Variants in EVC observed in about 807,000 individuals in gnomAD.
The protein encoded by EVC is evC complex member EVC.
Under a neutral mutation model 118.9 loss-of-function variants are expected in EVC, and 116 were observed. The observed-to-expected ratio is 0.98, with a 90% CI of 0.84 to 1.14. The LOEUF (loss-of-function observed/expected upper bound fraction) is 1.14. EVC is among the 50% of genes most tolerant of loss of function. The pLI is 0.00. For missense variants in EVC, 1,401 were observed against 1,246.4 expected (o/e 1.12, Z -1.87); for synonymous variants, 619 against 534.7 (o/e 1.16, Z -2.18).
chr4:5,776,808 TTTTTCAATTCTAGACAATA>T (rs746232664), intron 11 of EVC, among the ~76,000 whole-genome samples: 2 of 152,192 alleles, frequency 1.3e-5, no homozygotes, highest in Admixed American at 6.5e-5. Flanking sequence ...GAGTTTAATA[TTTTTCAATTCTAGACAATA>T]TTTTCAATTC....
At position 5,772,342 on chromosome 4, in the gene EVC, C is replaced by A. The variant is rs528421715; in HGVS notation, c.1564-11210C>A. On this transcript the variant is annotated intron_variant, in intron 11 of 20. Coordinates refer to ENST00000264956, the MANE Select transcript of EVC (RefSeq NM_153717.3). ...CATCTTACCTCCCTGCAAAGAGGTACGGGGGAGAGAAGAGTCGTTCAAGAA... is the reference window on the plus strand; with the variant it reads ...CATCTTACCTCCCTGCAAAGAGGTAAGGGGGAGAGAAGAGTCGTTCAAGAA... 5.4e-5 allele frequency among the ~76,000 whole-genome samples: 8 copies of A among 147,992 alleles called. No individual in the cohort carries two copies. The South Asian group carries it at 1.7e-3, about 32-fold the overall frequency.
the EVC span, chr4:5,821,689 A>T: frequency 6.9e-7 from 1 of 1,450,736 alleles, no homozygotes; most frequent in Non-Finnish European, 9.4e-7. This position sits in a 1 kb window ranked among gnomAD's most constrained non-coding sequence, Gnocchi z 4.4. Flanking sequence ...TGGGTTTCAA[A>T]AACACTGACA....
intron 11 of EVC, among the ~76,000 whole-genome samples, chr4:5,773,927 A>C (rs1409448059): frequency 6.6e-6 from 1 of 152,082 alleles, no homozygotes; most frequent in African/African-American, 2.4e-5. Flanking sequence ...TCCTGTGATG[A>C]GGAACAAAAG....
At position 5,810,919 on chromosome 4, in the gene EVC, G is replaced by A. The variant is rs78968801; in HGVS notation, c.2895-34G>A. On this transcript the variant is annotated intron_variant, in intron 20 of 20. Coordinates refer to ENST00000264956, the MANE Select transcript of EVC (RefSeq NM_153717.3). ...GCATCATGATGGGCATGGAGTCAGC[G>A]TTCTAACTGGCTGCCTTTCTTCTCT... 4.0e-3 allele frequency: 6,302 copies of A among 1,588,044 alleles called. 108 individuals are homozygous for A. In the African/African-American group the frequency reaches 0.042, roughly 11 times the overall value.
At chr4:5,732,175 C>G (rs568250068) in intron 4 of EVC, among the ~76,000 whole-genome samples, 10 of 152,064 alleles carry the variant, frequency 6.6e-5, no homozygotes, top group African/African-American at 2.4e-4. Flanking sequence ...GCTGGTCACA[C>G]AGCCGTGAGT....
At chr4:5,816,747 C>T (rs552829135), downstream of EVC, among the ~76,000 whole-genome samples, 38 of 147,062 alleles carry the variant, frequency 2.6e-4, no homozygotes, top group Non-Finnish European at 3.9e-4. Context: ...TCAGCTGCAT[C>T]GCAAATCTGT....
intron 18 of EVC, 90 bp from the exon 19 acceptor site, chr4:5,809,428 C>T (rs1716528615): frequency 2.6e-6 from 3 of 1,161,410 alleles, no homozygotes; most frequent in African/African-American, 1.5e-5. Context: ...CAGTGGCCAG[C>T]CTCAAGTGTC....
rs537978885 is a variant in EVC at position 5,728,373 on chromosome 4, TTGTC to T, written c.301-930_301-927del. ...GTTCACTCATGATTTGGCTCTCTGT[TTGTC>T]TGTTGTTGGTGTATAAGAATGCTTG... On this transcript the variant is annotated intron_variant, in intron 2 of 20. Transcript: ENST00000264956. Among the ~76,000 whole-genome samples the T allele has an allele frequency of 5.1e-4, 78 of 151,864 alleles. No individual in the cohort carries two copies. In the Middle Eastern group the frequency reaches 0.01, roughly 20 times the overall value.
intron 8 of EVC, among the ~76,000 whole-genome samples, chr4:5,750,148 C>T (rs981320858): frequency 1.2e-4 from 19 of 152,162 alleles, no homozygotes; most frequent in African/African-American, 4.3e-4. Context: ...ACCTAAGATC[C>T]CCGTCCTCTC....
intron 15 of EVC, among the ~76,000 whole-genome samples, chr4:5,800,660 C>T (rs1714806246): frequency 6.6e-6 from 1 of 152,106 alleles, no homozygotes; most frequent in South Asian, 2.1e-4. Context: ...AGGATGGGAG[C>T]TCCCGACAGG....
chr4:5,810,363 A>T lies in EVC; in HGVS notation c.2807A>T (p.Lys936Met). 1 of 1,613,860 alleles carries T rather than the reference A, an allele frequency of 6.2e-7. No individual in the cohort carries two copies. The highest frequency in any genetic ancestry group is 8.5e-7 in the Non-Finnish European group (1 of 1,179,944). The change falls in exon 20 of 21, where the codon AAG (lysine) becomes ATG (methionine). Residue 936 changes from lysine to methionine, a missense_variant. By Grantham distance (95) the Lys-to-Met change is moderately conservative (BLOSUM62 -1). Transcript: ENST00000264956. ...GAGAAGCCCCTAAGGACTAAAAGGA[A>T]GAAGCCCCTGCCCCAGGAAAGAGGG... The part of the protein sequence containing the change: ...LLEKPLRTKR[K>M]KPLPQERGDL...
At chr4:5,766,688 G>T (rs1196300710) in intron 11 of EVC, among the ~76,000 whole-genome samples, 5 of 136,500 alleles carry the variant, frequency 3.7e-5, no homozygotes, top group Non-Finnish European at 7.8e-5. Context: ...TCTTCCAGTT[G>T]ATCGCATCGG....
chr4:5,785,439 G>A, intron 12 of EVC, among the ~76,000 whole-genome samples: 1 of 152,242 alleles, frequency 6.6e-6, no homozygotes, highest in East Asian at 1.9e-4. Context: ...CCATCTGAAA[G>A]AGGTTTCCTA....
chr4:5,730,668 C>T (rs1019724911), intron 3 of EVC, among the ~76,000 whole-genome samples: 1 of 151,858 alleles, frequency 6.6e-6, no homozygotes, highest in Non-Finnish European at 1.5e-5. Context: ...CCCCAGGGAC[C>T]TGTGGAGCCA....
At chr4:5,712,347 A>G (rs556899791) in intron 1 of EVC, among the ~76,000 whole-genome samples, 18 of 152,332 alleles carry the variant, frequency 1.2e-4, no homozygotes, top group African/African-American at 4.1e-4. Context: ...AGAAGTGTCT[A>G]ACCCCAAAGC....
At chr4:5,775,318 T>C (rs902416116) in intron 11 of EVC, among the ~76,000 whole-genome samples, 5 of 152,284 alleles carry the variant, frequency 3.3e-5, no homozygotes, top group Admixed American at 2.6e-4. Context: ...AAAACATTTA[T>C]GAAACCATAT....
intron 15 of EVC, among the ~76,000 whole-genome samples, chr4:5,799,468 A>G (rs1213471287): frequency 6.6e-6 from 1 of 152,220 alleles, no homozygotes; most frequent in Non-Finnish European, 1.5e-5. Context: ...GGCAAATGAT[A>G]CATTTCCAGC....
At chr4:5,804,981 C>T in intron 17 of EVC, 140 bp downstream of exon 17, 1 of 753,232 alleles carries the variant, frequency 1.3e-6, no homozygotes. Context: ...CACCCGCTGC[C>T]TCTGTCCTGG....
the EVC span, chr4:5,820,825 A>T: frequency 6.6e-6 from 1 of 152,186 alleles, no homozygotes; most frequent in South Asian, 2.1e-4. Context: ...CAAGCTTTGA[A>T]TTCAGAAATA....
Sources: gnomAD v4.1 joint callset for allele counts (sites outside exome capture counted in the v4.1 genomes callset) on GRCh38, gnomAD v4.1.1 for gene constraint, Gnocchi (gnomAD v3.1) non-coding constraint, MANE v1.5 for transcripts, NCBI Gene and HGNC (gene_info 2026-07-23, HGNC 2026-07-21) for gene names.